Variants in ICA1 observed in about 807,000 individuals in gnomAD.
ICA1 encodes islet cell autoantigen 1.
A neutral mutation model predicts 71.0 loss-of-function variants in ICA1; 40 were observed. That is an observed-to-expected ratio of 0.56 (90% CI 0.44 to 0.73). The LOEUF is 0.73. Ranked by LOEUF, ICA1 falls within the 30% of genes least tolerant of loss-of-function variation. ICA1 has a pLI of 0.00. For missense variants in ICA1, 578 were observed against 576.5 expected, an observed-to-expected ratio of 1.00 and a Z score of -0.03; for synonymous variants, 207 against 209.5, an observed-to-expected ratio of 0.99 and a Z score of 0.10.
At chr7:8,230,920 C>G (rs1488260499) in intron 3 of ICA1, among the ~76,000 whole-genome samples, 1 of 152,108 alleles carries the variant, frequency 6.6e-6, no homozygotes, top group East Asian at 1.9e-4. Flanking sequence ...AATGTGTATT[C>G]TATGTGTGGC....
chr7:8,151,781 A>G (rs1365328005), intron 8 of ICA1, among the ~76,000 whole-genome samples: 3 of 152,200 alleles, frequency 2.0e-5, no homozygotes, highest in Non-Finnish European at 4.4e-5. Flanking sequence ...AATTTAGAAA[A>G]GGATGTTTTT....
chr7:8,245,161 A>G lies in ICA1; in HGVS notation c.-79-9156T>C, dbSNP rs997365537. Among the ~76,000 whole-genome samples the G allele has an allele frequency of 3.0e-4, 46 of 152,190 alleles. 1 individual carries two copies. Among genetic ancestry groups the G allele is most frequent in the Admixed American group, 2.6e-3 (40 of 15,268 alleles). On this transcript the variant is annotated intron_variant, in intron 1 of 13. Coordinates refer to ENST00000402384, the MANE Select transcript of ICA1 (RefSeq NM_001136020.3). ...AATACCAACGACTTGGAACCAATACAAATGTCCATCAATGGTAGAGCGGAT... is the reference window on the plus strand; with the variant it reads ...AATACCAACGACTTGGAACCAATACGAATGTCCATCAATGGTAGAGCGGAT...
rs370609048 is a variant in ICA1, at chr7:8,169,597, G to A, written c.580-10945C>T. ...TGATTTTAATTTGCATTTCTCTAAT[G>A]ACTAATGATATTGAACTTCTTTTCA... On this transcript the variant is annotated intron_variant, in intron 6 of 13. Transcript: ENST00000402384. 7.2e-5 allele frequency among the ~76,000 whole-genome samples: 11 copies of A among 152,090 alleles called. No homozygotes were observed. In the East Asian group the frequency reaches 7.7e-4, roughly 11 times the overall value.
intron 8 of ICA1, among the ~76,000 whole-genome samples, chr7:8,149,023 A>T (rs898687257): frequency 5.9e-5 from 9 of 152,208 alleles, no homozygotes. Flanking sequence ...GACTCCATTG[A>T]AGTGCTTAAC....
At chr7:8,205,029 C>T (rs1187566632) in intron 6 of ICA1, among the ~76,000 whole-genome samples, 3 of 138,970 alleles carry the variant, frequency 2.2e-5, no homozygotes, top group Admixed American at 7.4e-5. Context: ...TGTCTGGTTT[C>T]ACATCATGAC....
At chr7:8,149,274 T>G in intron 8 of ICA1, among the ~76,000 whole-genome samples, 1 of 152,248 alleles carries the variant, frequency 6.6e-6, no homozygotes, top group Middle Eastern at 3.2e-3. Context: ...TTAAAATTGC[T>G]CATGAAAATT....
intron 6 of ICA1, among the ~76,000 whole-genome samples, chr7:8,185,116 T>C (rs1365117050): frequency 6.6e-6 from 1 of 151,408 alleles, no homozygotes; most frequent in Non-Finnish European, 1.5e-5. Flanking sequence ...GAGAGATAAA[T>C]TTTTAAAATT....
intron 6 of ICA1, among the ~76,000 whole-genome samples, chr7:8,210,922 C>T (rs184123750): frequency 6.1e-5 from 9 of 146,458 alleles, no homozygotes; most frequent in African/African-American, 1.3e-4. Context: ...GGAGCTCCAG[C>T]GAGAGACAGG....
rs1802552486 is a variant in ICA1, at chr7:8,158,563, T to C, written c.669A>G (p.Arg223=). ...CTAGCATGTGAGACAAGAGATTGCA[T>C]CTGCTCGCTCCAAGAAGATCCACTT... ...CQKVDLLGAS[R]CNLLSHMLAT... Residue 223 remains arginine (R), a synonymous_variant, in exon 7 of 14, where the codon AGA becomes AGG. Coordinates refer to ENST00000402384, the MANE Select transcript of ICA1 (RefSeq NM_001136020.3). The C allele has an allele frequency of 6.2e-7, 1 of 1,614,062 alleles. No homozygotes were observed. The highest frequency in any genetic ancestry group is 1.3e-5 in the African/African-American group (1 of 74,950).
intron 9 of ICA1, among the ~76,000 whole-genome samples, chr7:8,143,015 C>T (rs144944401): frequency 2.6e-4 from 40 of 152,264 alleles, no homozygotes; most frequent in African/African-American, 9.1e-4. Flanking sequence ...TTTAGAAATA[C>T]AATAAAAGTA....
chr7:8,227,325 T>C (rs1207898400), intron 4 of ICA1, among the ~76,000 whole-genome samples: 6 of 152,090 alleles, frequency 3.9e-5, no homozygotes, highest in Non-Finnish European at 7.4e-5. Context: ...GAGAGACTAA[T>C]GGTGGTGGCC....
chr7:8,205,752 G>C (rs973596865), intron 6 of ICA1, among the ~76,000 whole-genome samples: 1 of 152,160 alleles, frequency 6.6e-6, no homozygotes, highest in Non-Finnish European at 1.5e-5. Context: ...TGATGAAATC[G>C]CTAGATTGAG....
chr7:8,237,737 G>A (rs1157990211), intron 1 of ICA1, among the ~76,000 whole-genome samples: 7 of 151,746 alleles, frequency 4.6e-5, no homozygotes, highest in African/African-American at 1.5e-4. Flanking sequence ...ATGCATTTAA[G>A]GTTCATCTGT....
At chr7:8,241,741 C>CA (rs1183408551) in intron 1 of ICA1, among the ~76,000 whole-genome samples, 1 of 151,604 alleles carries the variant, frequency 6.6e-6, no homozygotes, top group Non-Finnish European at 1.5e-5. Flanking sequence ...AAATGGAAAG[C>CA]AAAAAAACAG....
intron 6 of ICA1, among the ~76,000 whole-genome samples, chr7:8,191,515 C>A (rs987838889): frequency 6.6e-6 from 1 of 152,164 alleles, no homozygotes. Context: ...TTTTGCCCCA[C>A]TGTAGGCTAA....
intron 6 of ICA1, among the ~76,000 whole-genome samples, chr7:8,177,197 C>T (rs1386559348): frequency 6.6e-6 from 1 of 152,132 alleles, no homozygotes; most frequent in Non-Finnish European, 1.5e-5. Context: ...TATTTTCGAG[C>T]CCATGGCAAG....
At chr7:8,242,520 G>A (rs1418468446) in intron 1 of ICA1, among the ~76,000 whole-genome samples, 2 of 152,146 alleles carry the variant, frequency 1.3e-5, no homozygotes, top group Non-Finnish European at 2.9e-5. Flanking sequence ...AGAAGCAAGA[G>A]CAAACAAATT....
chr7:8,160,743 G>A (rs574521833), intron 6 of ICA1, among the ~76,000 whole-genome samples: 7 of 152,298 alleles, frequency 4.6e-5, no homozygotes, highest in African/African-American at 1.7e-4. Flanking sequence ...TAGCCACCCA[G>A]TTCCTTTCAA....
chr7:8,147,239 G>A (rs1202537285), intron 8 of ICA1, among the ~76,000 whole-genome samples: 1 of 152,000 alleles, frequency 6.6e-6, no homozygotes, highest in Non-Finnish European at 1.5e-5. Context: ...CACTTGAGCA[G>A]CTCTCAGACA....
Sources: allele counts gnomAD v4.1 joint callset (sites outside exome capture counted in the v4.1 genomes callset), GRCh38; gene constraint gnomAD v4.1.1; transcripts MANE v1.5; gene names NCBI Gene and HGNC (gene_info 2026-07-23, HGNC 2026-07-21).